DPH6: variants seen among roughly 807,000 people sequenced by gnomAD.
DPH6 encodes diphthine--ammonia ligase.
A neutral mutation model predicts 38.2 loss-of-function variants in DPH6; 33 were observed. The ratio of observed to expected loss-of-function variants is 0.86; its 90% confidence interval spans 0.65 to 1.15. The LOEUF is 1.15. DPH6 is among the 50% of genes most tolerant of loss of function. DPH6 has a pLI of 0.00. For synonymous variants in DPH6, 108 were observed against 103.0 expected (o/e 1.05, Z -0.30); for missense variants, 325 against 320.0 (o/e 1.02, Z -0.12).
intron 3 of DPH6, among the ~76,000 whole-genome samples, chr15:35,515,413 C>T (rs2054831740): frequency 6.6e-6 from 1 of 151,888 alleles, no homozygotes; most frequent in African/African-American, 2.4e-5. Flanking sequence ...GGTAACACAA[C>T]AAGATGCCCA....
chr15:35,513,823 T>C (rs1809677442), intron 3 of DPH6, among the ~76,000 whole-genome samples: 1 of 151,958 alleles, frequency 6.6e-6, no homozygotes, highest in Admixed American at 6.6e-5. Context: ...AACACTCGAA[T>C]ATATATATAA....
intron 3 of DPH6, among the ~76,000 whole-genome samples, chr15:35,289,216 G>A (rs1473670360): frequency 6.6e-6 from 1 of 152,158 alleles, no homozygotes; most frequent in African/African-American, 2.4e-5. Flanking sequence ...GGCTTCAGAA[G>A]GTGGCAGTAT....
In DPH6 at chr15:35,475,474, TG is replaced by T. The variant is rs2054252928; in HGVS notation, c.313-20655del. 2.6e-5 allele frequency among the ~76,000 whole-genome samples: 4 copies of T among 152,074 alleles called. No individual in the cohort carries two copies. The South Asian group carries it at 8.3e-4, about 32-fold the overall frequency. On this transcript the variant is annotated intron_variant, in intron 3 of 8. Transcript: ENST00000256538. Reference sequence around the variant, plus strand: ...TGCTAAAGTCTTTTCAGATGAAGCATGGAATAAGATGACCGACCAACTATCC... The same window carrying T: ...TGCTAAAGTCTTTTCAGATGAAGCATGAATAAGATGACCGACCAACTATCC...
chr15:35,393,594 T>C (rs2053088659), intron 6 of DPH6, among the ~76,000 whole-genome samples: 1 of 152,134 alleles, frequency 6.6e-6, no homozygotes, highest in Non-Finnish European at 1.5e-5. Context: ...TCTGTATCCT[T>C]GTGTAACATT....
chr15:35,373,653 T>C (rs113568333), intron 7 of DPH6, 45 bp from the exon 8 acceptor site: 2 of 1,529,410 alleles, frequency 1.3e-6, no homozygotes, highest in African/African-American at 1.4e-5. Flanking sequence ...CTACAAAAAT[T>C]GTGACAAATC....
chr15:35,539,177 T>C (rs2141561023), intron 2 of DPH6, among the ~76,000 whole-genome samples: 1 of 152,010 alleles, frequency 6.6e-6, no homozygotes, highest in Admixed American at 6.6e-5. Flanking sequence ...AACTTAGAAA[T>C]ATACTGGAAT....
chr15:35,479,998 T>G (rs907529786), intron 3 of DPH6, among the ~76,000 whole-genome samples: 1 of 152,128 alleles, frequency 6.6e-6, no homozygotes, highest in Non-Finnish European at 1.5e-5. Flanking sequence ...TACAATTTAC[T>G]ATATTTTCAA....
intron 7 of DPH6, among the ~76,000 whole-genome samples, chr15:35,374,577 GA>G (rs1243137305): frequency 6.6e-6 from 1 of 151,850 alleles, no homozygotes; most frequent in African/African-American, 2.4e-5. Flanking sequence ...GAAAGATCAA[GA>G]AAAAAGTACG....
At chr15:35,382,450 A>AACACACACAC (rs56269036) in intron 6 of DPH6, among the ~76,000 whole-genome samples, 4,447 of 150,304 alleles carry the variant, frequency 0.03, 214 homozygotes, top group African/African-American at 0.1. Flanking sequence ...CGAAAAACAA[A>AACACACACAC]ACACACACAC....
In DPH6 at chr15:35,296,804, C is replaced by CTTTTTTTTTTTTTTT. The variant is rs772132282; in HGVS notation, n.201-76223_201-76222insAAAAAAAAAAAAAAA. Among the ~76,000 whole-genome samples, 1,143 of 126,920 alleles carry CTTTTTTTTTTTTTTT rather than the reference C, an allele frequency of 9.0e-3. 109 individuals carry two copies. Among genetic ancestry groups the CTTTTTTTTTTTTTTT allele is most frequent in the African/African-American group, 0.014 (410 of 28,336 alleles). The allele number at this position is 126,920 out of a possible 152,430, so 83.3% of individuals were successfully genotyped here. On this transcript the variant is annotated intron_variant and non_coding_transcript_variant, in intron 3 of 3. Coordinates refer to the DPH6 transcript ENST00000560386. ...ATTCTCTAACCTGATGGCCTGGCTTCTTTTTTTTTTTGAGACGGAGTCTCG... is the reference window on the plus strand; with the variant it reads ...ATTCTCTAACCTGATGGCCTGGCTTCTTTTTTTTTTTTTTTTTTTTTTTTTTGAGACGGAGTCTCG...
intron 3 of DPH6, among the ~76,000 whole-genome samples, chr15:35,228,868 C>T (rs2051499501): frequency 6.6e-6 from 1 of 152,102 alleles, no homozygotes; most frequent in Non-Finnish European, 1.5e-5. Context: ...TTAAATATGT[C>T]ATGCCACTCT....
intron 3 of DPH6, among the ~76,000 whole-genome samples, chr15:35,492,455 T>C (rs781191379): frequency 1.2e-4 from 18 of 152,194 alleles, no homozygotes; most frequent in Non-Finnish European, 2.2e-4. Context: ...CTATATATCA[T>C]ATAAGTGCTA....
chr15:35,486,334 G>A (rs2054397623), intron 3 of DPH6, among the ~76,000 whole-genome samples: 1 of 151,634 alleles, frequency 6.6e-6, no homozygotes, highest in South Asian at 2.1e-4. Context: ...GAGATTTTGG[G>A]TGGCGACACA....
the DPH6 span, among the ~76,000 whole-genome samples, chr15:35,197,409 G>A: frequency 6.6e-6 from 1 of 152,066 alleles, no homozygotes; most frequent in Non-Finnish European, 1.5e-5. Flanking sequence ...TTTACATCTT[G>A]TAGTAGACAT....
the DPH6 span, among the ~76,000 whole-genome samples, chr15:35,210,520 T>C: frequency 2.6e-5 from 4 of 152,252 alleles, no homozygotes; most frequent in South Asian, 8.3e-4. Flanking sequence ...GAGGGCAAAA[T>C]TAATACAAGG....
chr15:35,338,100 C>T (rs1443353881), intron 3 of DPH6, among the ~76,000 whole-genome samples: 3 of 152,116 alleles, frequency 2.0e-5, no homozygotes, highest in African/African-American at 7.2e-5. Flanking sequence ...CTAGGCATTA[C>T]CATTCAGGAC....
At chr15:35,508,409 G>A (rs8035581) in intron 3 of DPH6, among the ~76,000 whole-genome samples, 12,368 of 151,964 alleles carry the variant, frequency 0.081, 692 homozygotes, top group African/African-American at 0.15. Flanking sequence ...GCTTCTTTAC[G>A]AGGCATAAAG....
chr15:35,515,932 C>A (rs2054840606), intron 3 of DPH6, among the ~76,000 whole-genome samples: 1 of 151,908 alleles, frequency 6.6e-6, no homozygotes, highest in African/African-American at 2.4e-5. Context: ...GGTGATACGT[C>A]CGTTTTGTGC....
chr15:35,220,708 C>T (rs915150305), intron 3 of DPH6: 2 of 152,056 alleles, frequency 1.3e-5, no homozygotes, highest in Non-Finnish European at 2.9e-5. Flanking sequence ...ATTACAGATC[C>T]TATCTCCCAA....
Sources: allele counts gnomAD v4.1 joint callset (sites outside exome capture counted in the v4.1 genomes callset), GRCh38; gene constraint gnomAD v4.1.1; transcripts MANE v1.5; gene names NCBI Gene and HGNC (gene_info 2026-07-23, HGNC 2026-07-21).